Variants in ZC3H13 observed in about 807,000 individuals in gnomAD.
ZC3H13 encodes the protein zinc finger CCCH domain-containing protein 13.
ZC3H13 carries 64 observed loss-of-function variants against 204.1 expected under a neutral mutation model. That is an observed-to-expected ratio of 0.31 (90% confidence interval 0.26 to 0.39). The LOEUF (loss-of-function observed/expected upper bound fraction) is 0.39, where lower values mean the gene tolerates loss of function less well. ZC3H13 is among the 10% of genes least tolerant of loss of function. The pLI, the probability that ZC3H13 is intolerant of heterozygous loss-of-function variation, is 1.00. For missense variants in ZC3H13, 1,833 were observed against 2,082.7 expected, an observed-to-expected ratio of 0.88 and a Z score of 2.33; for synonymous variants, 667 against 693.7, an observed-to-expected ratio of 0.96 and a Z score of 0.60.
chr13:45,992,386 GCTA>G (rs755393791), intron 8 of ZC3H13, among the ~76,000 whole-genome samples: 11 of 152,114 alleles, frequency 7.2e-5, no homozygotes, highest in Non-Finnish European at 1.5e-4. Context: ...AACGTATATT[GCTA>G]CTATGTGTGT....
chr13:46,006,387 T>C (rs779203129), intron 7 of ZC3H13, among the ~76,000 whole-genome samples: 15 of 151,980 alleles, frequency 9.9e-5, no homozygotes, highest in Non-Finnish European at 1.3e-4. Flanking sequence ...AAAAATATAG[T>C]TGTTCACAGT....
intron 9 of ZC3H13, among the ~76,000 whole-genome samples, chr13:45,986,353 G>A (rs1367090985): frequency 1.3e-5 from 2 of 152,218 alleles, no homozygotes; most frequent in Admixed American, 1.3e-4. Flanking sequence ...AGCTACTTGG[G>A]AGGCTGAGGT....
At chr13:46,042,624 T>C (rs2043667358) in intron 3 of ZC3H13, among the ~76,000 whole-genome samples, 1 of 152,066 alleles carries the variant, frequency 6.6e-6, no homozygotes, top group Admixed American at 6.6e-5. Context: ...CATAAATATA[T>C]TAGTTATATG....
intron 4 of ZC3H13, among the ~76,000 whole-genome samples, chr13:46,028,983 T>C (rs1555297061): frequency 6.6e-6 from 1 of 151,896 alleles, no homozygotes; most frequent in Non-Finnish European, 1.5e-5. Context: ...AAAACAGAAA[T>C]TCAATAGAGA....
Position 45,955,255 on chromosome 13 carries a change from A to C in ZC3H13, c.*1872T>G, listed in dbSNP as rs1191875007. The C allele has an allele frequency of 2.0e-5, 3 of 152,182 alleles. No individual in the cohort carries two copies. Among genetic ancestry groups the C allele is most frequent in the Non-Finnish European group, 4.4e-5 (3 of 68,020 alleles). 9.4% of individuals were successfully genotyped at this position (152,182 alleles called of 1,614,324 possible). A position where few individuals can be genotyped will look rare whatever the true frequency, so the allele number is the denominator to read the frequency against. ...CAATCAAAAATTTTGCTTTAGAAAA[A>C]TTTTATAGGTATATGTTACTAATAC... On this transcript the variant is annotated 3_prime_UTR_variant, in exon 19 of 19. Coordinates refer to ENST00000679008, the MANE Select transcript of ZC3H13 (RefSeq NM_001330564.2).
intron 4 of ZC3H13, among the ~76,000 whole-genome samples, chr13:46,030,632 T>C (rs896509229): frequency 6.6e-6 from 1 of 152,022 alleles, no homozygotes; most frequent in Non-Finnish European, 1.5e-5. Flanking sequence ...ACAAGGCTAA[T>C]ACACATAAAA....
chr13:45,984,627 T>C (rs567851284), intron 10 of ZC3H13, among the ~76,000 whole-genome samples: 205 of 152,140 alleles, frequency 1.3e-3, no homozygotes, highest in African/African-American at 4.7e-3. Flanking sequence ...AATATGAAGC[T>C]GTAATACTGA....
chr13:45,981,546 T>C (rs1953611722), intron 10 of ZC3H13, among the ~76,000 whole-genome samples: 1 of 152,092 alleles, frequency 6.6e-6, no homozygotes, highest in South Asian at 2.1e-4. Context: ...TCTAGATCCC[T>C]GAGGAATTGC....
At chr13:45,973,139 TTA>T (rs1475928668) in intron 12 of ZC3H13, among the ~76,000 whole-genome samples, 1 of 152,226 alleles carries the variant, frequency 6.6e-6, no homozygotes, top group East Asian at 1.9e-4. Context: ...TGGTGATGTG[TTA>T]TATATCAAGA....
chr13:46,039,235 T>C (rs573916040), intron 4 of ZC3H13, among the ~76,000 whole-genome samples: 29 of 152,328 alleles, frequency 1.9e-4, no homozygotes, highest in Admixed American at 9.8e-4. Flanking sequence ...ATGCCAACTT[T>C]ACTGTACTAA....
chr13:45,988,931 C>G lies in ZC3H13; in HGVS notation c.1111G>C (p.Ala371Pro). 1 of 1,614,028 alleles carries G rather than the reference C, an allele frequency of 6.2e-7. No individual in the cohort carries two copies. Among genetic ancestry groups the G allele is most frequent in the South Asian group, 1.1e-5 (1 of 91,074 alleles). Residue 371 changes from alanine to proline, a missense_variant, in exon 9 of 19, where the codon GCC (alanine) becomes CCC (proline). Physicochemically the swap from Ala to Pro is conservative, Grantham distance 27. This residue lies in a region of ZC3H13 where 1,574 missense variants were observed against 1,757.2 expected (regional missense o/e 0.90). Coordinates refer to ENST00000679008, the MANE Select transcript of ZC3H13 (RefSeq NM_001330564.2). ...AAAGAATGTGAAGGATAAGGAGAGG[C>G]AGAGCGTCGTAAAGGTGGAGTTAGT... ...RTLTPPLRRS[A>P]SPYPSHSLSS...
intron 8 of ZC3H13, among the ~76,000 whole-genome samples, chr13:46,000,724 T>C (rs2040683380): frequency 6.6e-6 from 1 of 152,232 alleles, no homozygotes; most frequent in Admixed American, 6.5e-5. Flanking sequence ...TCAAGAACTT[T>C]TCCTTTGCAT....
chr13:46,011,953 C>T (rs796656055), intron 5 of ZC3H13, among the ~76,000 whole-genome samples: 120 of 152,274 alleles, frequency 7.9e-4, no homozygotes, highest in African/African-American at 2.4e-3. Flanking sequence ...CCTAAAGATA[C>T]GCTACTAAAA....
chr13:46,004,503 G>C (rs576206855), intron 7 of ZC3H13, among the ~76,000 whole-genome samples: 21 of 152,220 alleles, frequency 1.4e-4, no homozygotes, highest in Admixed American at 5.2e-4. Context: ...TTGCGCCACT[G>C]CACTCTAGTC....
chr13:45,975,467 GCT>G lies in ZC3H13; in HGVS notation c.2282_2283del (p.Glu761AlafsTer21). 6.2e-7 allele frequency: 1 copy of G among 1,607,602 alleles called. No homozygotes were observed. ...CGCTCTCGCTCTCTCTCCCGTTCTC[GCT>G]CTCTCTCCCTCTCTCTCTCTTCTCT... is the stretch of plus-strand genomic sequence containing the variant. ...REREERERERERERERERERE... is the reference protein window; with the variant it reads ...REREERERERXRERERERERE... On this transcript the variant is annotated frameshift_variant, in exon 12 of 19. Transcript: ENST00000679008. LOFTEE classifies it high-confidence loss of function.
rs1341978373 is a variant in ZC3H13, at chr13:46,011,267, GAATA to G, written c.588+144_588+147del. Reference sequence around the variant, plus strand: ...TAATAGAATAATGTGAAAATTAAATGAATATATATGGAGTAGTACATATACAGTG... The same window carrying G: ...TAATAGAATAATGTGAAAATTAAATGTATATGGAGTAGTACATATACAGTG... On this transcript the variant is annotated intron_variant, in intron 6 of 18. Transcript: ENST00000679008. The G allele has an allele frequency of 8.1e-6, 4 of 492,856 alleles. No individual in the cohort carries two copies. The Admixed American group carries it at 1.3e-4, about 16-fold the overall frequency. 30.5% of individuals were successfully genotyped at this position (492,856 alleles called of 1,614,324 possible).
chr13:45,983,413 A>ATATATATATATATATATATATAT (rs1555277663), intron 10 of ZC3H13, among the ~76,000 whole-genome samples: 2 of 31,132 alleles, frequency 6.4e-5, no homozygotes, highest in Non-Finnish European at 4.9e-5. Context: ...ATATATATAT[A>ATATATATATATATATATATATAT]TTTTTTTTTT....
chr13:45,964,085 TAGC>T, intron 16 of ZC3H13, 43 bp from the exon 17 acceptor site: 1 of 1,556,284 alleles, frequency 6.4e-7, no homozygotes, highest in South Asian at 1.2e-5. Flanking sequence ...CACCAAGAAA[TAGC>T]AGTCTTGTTA....
intron 15 of ZC3H13, among the ~76,000 whole-genome samples, chr13:45,966,411 T>A (rs1056224568): frequency 6.6e-6 from 1 of 152,194 alleles, no homozygotes; most frequent in Non-Finnish European, 1.5e-5. Flanking sequence ...CTTTGTCATA[T>A]AAACATACAT....
Sources: allele counts gnomAD v4.1 joint callset (sites outside exome capture counted in the v4.1 genomes callset), GRCh38; gene constraint gnomAD v4.1.1; regional missense constraint gnomAD v4.1.1; transcripts MANE v1.5; gene names NCBI Gene and HGNC (gene_info 2026-07-23, HGNC 2026-07-21).